The following HDAC9 variants were observed in gnomAD, a reference collection of about 807,000 sequenced individuals.
HDAC9 encodes histone deacetylase 9, also known as MEF-2 interacting transcription repressor (MITR) protein.
Under a neutral mutation model 139.4 loss-of-function variants are expected in HDAC9, and 41 were observed. The ratio of observed to expected loss-of-function variants is 0.29; its 90% confidence interval spans 0.23 to 0.38. The LOEUF (loss-of-function observed/expected upper bound fraction) is 0.38. Ranked by LOEUF, HDAC9 falls within the 10% of genes least tolerant of loss-of-function variation. HDAC9 has a pLI of 1.00. For synonymous variants in HDAC9, 517 were observed against 476.2 expected (o/e 1.09, Z -1.12); for missense variants, 1,147 against 1,297.0 (o/e 0.88, Z 1.78).
chr7:18,534,859 G>T (rs1183150411), intron 2 of HDAC9, among the ~76,000 whole-genome samples: 1 of 152,162 alleles, frequency 6.6e-6, no homozygotes, highest in Non-Finnish European at 1.5e-5. Context: ...ACAGAGAGTG[G>T]CAGGGACTTA....
At chr7:18,395,054 C>T (rs1444006269) in intron 1 of HDAC9, 2 of 152,112 alleles carry the variant, frequency 1.3e-5, no homozygotes, top group African/African-American at 4.8e-5. Flanking sequence ...ATGATAATAT[C>T]GTAATTTTAC....
chr7:18,942,127 G>A (rs987910580), intron 23 of HDAC9, among the ~76,000 whole-genome samples: 4 of 152,000 alleles, frequency 2.6e-5, no homozygotes, highest in African/African-American at 4.8e-5. Flanking sequence ...TATTGGGCAT[G>A]TATTTTGTGC....
intron 2 of HDAC9, among the ~76,000 whole-genome samples, chr7:18,530,187 G>A (rs1808421148): frequency 6.6e-6 from 1 of 152,068 alleles, no homozygotes; most frequent in Non-Finnish European, 1.5e-5. Context: ...TGGAAGGATT[G>A]GGGAGGTTGA....
chr7:18,615,765 G>T (rs534618908), intron 6 of HDAC9, among the ~76,000 whole-genome samples: 1 of 152,212 alleles, frequency 6.6e-6, no homozygotes, highest in Admixed American at 6.5e-5. Context: ...CAGTATTTCA[G>T]AATATTCAGA....
At chr7:18,832,739 A>AT (rs374428028) in intron 19 of HDAC9, among the ~76,000 whole-genome samples, 29 of 147,202 alleles carry the variant, frequency 2.0e-4, no homozygotes, top group African/African-American at 4.8e-4. Context: ...ATATATATAT[A>AT]TTTTTTTTTT....
intron 23 of HDAC9, among the ~76,000 whole-genome samples, chr7:18,950,769 TTTTA>T (rs1782737449): frequency 2.0e-5 from 3 of 151,738 alleles, no homozygotes; most frequent in Admixed American, 2.0e-4. Flanking sequence ...CTTGGTAAGG[TTTTA>T]CCAATTCAAA....
chr7:18,412,453 G>A (rs1422938738), intron 1 of HDAC9, among the ~76,000 whole-genome samples: 2 of 152,148 alleles, frequency 1.3e-5, no homozygotes, highest in Non-Finnish European at 2.9e-5. Flanking sequence ...GATGGTATTA[G>A]TGATTGCTTG....
At chr7:18,247,234 G>A (rs1794615532) in intron 2 of HDAC9, among the ~76,000 whole-genome samples, 1 of 152,030 alleles carries the variant, frequency 6.6e-6, no homozygotes, top group East Asian at 1.9e-4. Context: ...GGTATTTAAA[G>A]CTATGAGAAT....
At chr7:18,555,727 GTAA>G (rs1449422624) in intron 2 of HDAC9, among the ~76,000 whole-genome samples, 1 of 151,952 alleles carries the variant, frequency 6.6e-6, no homozygotes, top group African/African-American at 2.4e-5. Flanking sequence ...ATTTACAGAT[GTAA>G]TAATAAACGA....
At chr7:18,279,962 G>A (rs1443986330) in intron 2 of HDAC9, among the ~76,000 whole-genome samples, 1 of 152,042 alleles carries the variant, frequency 6.6e-6, no homozygotes, top group East Asian at 1.9e-4. Flanking sequence ...AATTCTTAGA[G>A]ATGTAAAAAA....
At chr7:18,585,864 A>G (rs896114083) in intron 3 of HDAC9, among the ~76,000 whole-genome samples, 2 of 152,044 alleles carry the variant, frequency 1.3e-5, no homozygotes, top group African/African-American at 4.8e-5. Context: ...GACCCATTTC[A>G]TATTTCATTT....
intron 2 of HDAC9, among the ~76,000 whole-genome samples, chr7:18,188,415 G>C (rs1451754475): frequency 6.6e-6 from 1 of 152,116 alleles, no homozygotes; most frequent in African/African-American, 2.4e-5. Flanking sequence ...AACCTAGGCA[G>C]TTTCATTCAG....
intron 12 of HDAC9, among the ~76,000 whole-genome samples, chr7:18,698,605 T>C (rs1329073333): frequency 6.6e-6 from 1 of 152,206 alleles, no homozygotes; most frequent in African/African-American, 2.4e-5. Flanking sequence ...CCTGTGTCAT[T>C]GGAAGAGTGA....
intron 22 of HDAC9, among the ~76,000 whole-genome samples, chr7:18,902,059 T>G (rs1297942707): frequency 1.3e-5 from 2 of 152,208 alleles, no homozygotes; most frequent in Non-Finnish European, 2.9e-5. Flanking sequence ...TGCTATGCAA[T>G]AAAGCTACCC....
At chr7:18,137,842 C>G (rs143325545) in intron 1 of HDAC9, among the ~76,000 whole-genome samples, 4 of 152,156 alleles carry the variant, frequency 2.6e-5, no homozygotes, top group South Asian at 4.1e-4. Flanking sequence ...GAAGGATTCC[C>G]TCTTTTTCTA....
intron 2 of HDAC9, among the ~76,000 whole-genome samples, chr7:18,282,982 T>TTTTTTTTTTTTTTTGAGA (rs1423919285): frequency 6.6e-6 from 1 of 150,622 alleles, no homozygotes; most frequent in Admixed American, 6.6e-5. Context: ...GAAATTTCTA[T>TTTTTTTTTTTTTTTGAGA]CTCAATTTTG....
At chr7:18,345,201 T>G (rs887518626) in intron 1 of HDAC9, among the ~76,000 whole-genome samples, 5 of 152,060 alleles carry the variant, frequency 3.3e-5, no homozygotes, top group African/African-American at 1.2e-4. Flanking sequence ...ATATTGTGTT[T>G]CCAAAGCCCA....
At chr7:18,651,227 C>A (rs1420993063) in intron 11 of HDAC9, among the ~76,000 whole-genome samples, 2 of 152,094 alleles carry the variant, frequency 1.3e-5, no homozygotes, top group Non-Finnish European at 2.9e-5. Context: ...AGTAAGAAAT[C>A]ACCACAGAAA....
intron 1 of HDAC9, among the ~76,000 whole-genome samples, chr7:18,130,024 A>G (rs1784906121): frequency 6.6e-6 from 1 of 152,150 alleles, no homozygotes; most frequent in Non-Finnish European, 1.5e-5. Context: ...AAACCAAAAC[A>G]ACACAACGGA....
Sources: gnomAD v4.1 joint callset for allele counts (sites outside exome capture counted in the v4.1 genomes callset) on GRCh38, gnomAD v4.1.1 for gene constraint, MANE v1.5 for transcripts, NCBI Gene and HGNC (gene_info 2026-07-23, HGNC 2026-07-21) for gene names.